The following PTPRN2 variants were observed in gnomAD, a reference collection of about 807,000 sequenced individuals.
The protein encoded by PTPRN2 is protein tyrosine phosphatase receptor type N2, also known as receptor-type tyrosine-protein phosphatase N2.
PTPRN2 carries 74 observed loss-of-function variants against 118.8 expected under a neutral mutation model. The ratio of observed to expected loss-of-function variants is 0.62; its 90% CI spans 0.52 to 0.76. The LOEUF is 0.76. Ranked by LOEUF, PTPRN2 falls within the 30% of genes least tolerant of loss-of-function variation. The pLI, the probability that PTPRN2 is intolerant of heterozygous loss-of-function variation, is 0.00. For synonymous variants in PTPRN2, 641 were observed against 608.0 expected, an observed-to-expected ratio of 1.05 and a Z score of -0.80; for missense variants, 1,481 against 1,394.4, an observed-to-expected ratio of 1.06 and a Z score of -0.99.
At chr7:158,387,350 G>A (rs945167364) in intron 2 of PTPRN2, among the ~76,000 whole-genome samples, 2 of 152,242 alleles carry the variant, frequency 1.3e-5, no homozygotes, top group South Asian at 4.1e-4. Context: ...CTGCACCACA[G>A]GAGGGCTGAG....
intron 9 of PTPRN2, among the ~76,000 whole-genome samples, chr7:158,132,511 A>G (rs1225725169): frequency 1.3e-5 from 2 of 151,510 alleles, no homozygotes; most frequent in African/African-American, 4.9e-5. Flanking sequence ...ACAGATGCAC[A>G]CACATTTACC....
chr7:157,832,826 G>C (rs990863469), intron 12 of PTPRN2, among the ~76,000 whole-genome samples: 1 of 152,224 alleles, frequency 6.6e-6, no homozygotes, highest in Non-Finnish European at 1.5e-5. Flanking sequence ...AGCAACAGCA[G>C]AGAGTGACTG....
intron 12 of PTPRN2, among the ~76,000 whole-genome samples, chr7:157,686,312 G>T (rs1797191220): frequency 6.6e-6 from 1 of 152,204 alleles, no homozygotes. Flanking sequence ...AAAAACTGTT[G>T]GCTGCAAGTC....
intron 14 of PTPRN2, among the ~76,000 whole-genome samples, chr7:157,636,804 C>T (rs181352529): frequency 1.1e-4 from 17 of 152,282 alleles, no homozygotes; most frequent in Admixed American, 5.9e-4. Flanking sequence ...ATTCTTTTCC[C>T]GTCCATTTTA....
At chr7:157,601,849 A>G (rs558543426) in intron 16 of PTPRN2, among the ~76,000 whole-genome samples, 1 of 152,330 alleles carries the variant, frequency 6.6e-6, no homozygotes, top group South Asian at 2.1e-4. Context: ...GGTTCATCTC[A>G]GGGAAAAGGG....
chr7:157,767,673 G>C (rs1802566001), intron 12 of PTPRN2, among the ~76,000 whole-genome samples: 1 of 152,226 alleles, frequency 6.6e-6, no homozygotes, highest in African/African-American at 2.4e-5. Context: ...TGTTCTGTTT[G>C]GTGCTGTGCC....
intron 12 of PTPRN2, among the ~76,000 whole-genome samples, chr7:157,691,518 G>C (rs887014401): frequency 6.6e-6 from 1 of 152,188 alleles, no homozygotes; most frequent in Non-Finnish European, 1.5e-5. Flanking sequence ...GTCCTCCCGA[G>C]TGTTTAGGTC....
chr7:158,115,408 A>G (rs1050517128), intron 9 of PTPRN2, among the ~76,000 whole-genome samples: 9 of 152,132 alleles, frequency 5.9e-5, no homozygotes, highest in African/African-American at 2.2e-4. Flanking sequence ...TGGGCTCTGC[A>G]GGGTTGAAGG....
intron 3 of PTPRN2, among the ~76,000 whole-genome samples, chr7:158,227,501 G>A (rs977839868): frequency 2.0e-5 from 3 of 152,180 alleles, no homozygotes; most frequent in Non-Finnish European, 2.9e-5. Flanking sequence ...AGCCCCTGAC[G>A]TGTGACGGGA....
At chr7:158,431,801 G>A (rs562026089) in intron 2 of PTPRN2, among the ~76,000 whole-genome samples, 211 of 152,134 alleles carry the variant, frequency 1.4e-3, no homozygotes, top group Non-Finnish European at 5.1e-4. Flanking sequence ...GCTCACACCG[G>A]GCACACACTG....
intron 10 of PTPRN2, among the ~76,000 whole-genome samples, chr7:158,110,182 C>T (rs1376635283): frequency 1.1e-4 from 16 of 152,220 alleles, no homozygotes; most frequent in Admixed American, 1.0e-3. Context: ...TCTCCACACC[C>T]AGCTGTGCGC....
chr7:157,767,597 A>T (rs73744876), intron 12 of PTPRN2, among the ~76,000 whole-genome samples: 6,156 of 152,298 alleles, frequency 0.04, 307 homozygotes, highest in African/African-American at 0.1. Flanking sequence ...GCAAGTCAGC[A>T]ACTGGCCAGG....
intron 12 of PTPRN2, among the ~76,000 whole-genome samples, chr7:157,683,269 C>T (rs1023938268): frequency 2.0e-5 from 3 of 152,198 alleles, no homozygotes; most frequent in African/African-American, 7.2e-5. Flanking sequence ...CTTCTTCTAA[C>T]CGGGCACAGC....
chr7:158,441,072 ATGGTGG>A (rs767426288), intron 2 of PTPRN2, among the ~76,000 whole-genome samples: 4 of 102,282 alleles, frequency 3.9e-5, no homozygotes, highest in South Asian at 3.3e-4. Flanking sequence ...GGTGGTAGTG[ATGGTGG>A]TGCTGGTGGT....
intron 12 of PTPRN2, among the ~76,000 whole-genome samples, chr7:157,883,153 C>T (rs1404494489): frequency 1.2e-4 from 18 of 150,284 alleles, no homozygotes; most frequent in African/African-American, 4.4e-4. Context: ...TCAGAACACA[C>T]CACCCCAAAA....
intron 14 of PTPRN2, among the ~76,000 whole-genome samples, chr7:157,631,687 C>G (rs963256601): frequency 4.6e-5 from 7 of 152,170 alleles, no homozygotes; most frequent in Non-Finnish European, 8.8e-5. Flanking sequence ...AAAAAATTAG[C>G]CAGGCGTGGT....
rs1826172286 is a variant in PTPRN2, at chr7:158,544,543, C to T, written c.112+43015G>A. Among the ~76,000 whole-genome samples the T allele has an allele frequency of 6.6e-6, 1 of 151,766 alleles. No homozygotes were observed. Among genetic ancestry groups the T allele is most frequent in the Non-Finnish European group, 1.5e-5 (1 of 67,990 alleles). ...ATCACAGCTACTTGGGATGCTGAAGCAGGAGAATCACTTGAACCTGGGACG... is the reference window on the plus strand; with the variant it reads ...ATCACAGCTACTTGGGATGCTGAAGTAGGAGAATCACTTGAACCTGGGACG... On this transcript the variant is annotated intron_variant, in intron 1 of 22. Transcript: ENST00000389418. This position sits in a 1 kb window ranked among gnomAD's most constrained non-coding sequence, Gnocchi z 4.2.
chr7:158,144,333 A>G (rs73173609), intron 6 of PTPRN2, among the ~76,000 whole-genome samples: 15,294 of 152,214 alleles, frequency 0.1, 846 homozygotes, highest in African/African-American at 0.14. Context: ...GGAAAATGCC[A>G]AAAGAAAGAG....
chr7:158,267,318 C>T (rs996629513), intron 3 of PTPRN2, among the ~76,000 whole-genome samples: 2 of 152,056 alleles, frequency 1.3e-5, no homozygotes, highest in Non-Finnish European at 2.9e-5. Flanking sequence ...CCGCGGGGAA[C>T]CCCGGGGGCG....
Sources: allele counts gnomAD v4.1 joint callset (sites outside exome capture counted in the v4.1 genomes callset), GRCh38; gene constraint gnomAD v4.1.1; non-coding constraint Gnocchi (gnomAD v3.1); transcripts MANE v1.5; gene names NCBI Gene and HGNC (gene_info 2026-07-23, HGNC 2026-07-21).